Variants in JHY observed in about 807,000 individuals in gnomAD.
JHY encodes the protein junctional cadherin complex regulator.
A neutral mutation model predicts 78.0 loss-of-function variants in JHY; 69 were observed. That is an observed-to-expected ratio of 0.88 (90% CI 0.73 to 1.08). JHY has a LOEUF of 1.08. Among genes scored for constraint, JHY ranks in the 50% least tolerant of loss-of-function variants. The probability of loss-of-function intolerance (pLI) is 0.00; values close to 1 mark genes in which losing one functional copy is unlikely to be tolerated. For synonymous variants in JHY, 368 were observed against 342.6 expected (o/e 1.07, Z -0.82); for missense variants, 944 against 927.8 (o/e 1.02, Z -0.23).
rs143545682 is a variant in JHY, at chr11:122,962,113, T to C, written c.*2668T>C. On this transcript the variant is annotated 3_prime_UTR_variant, in exon 9 of 9. Coordinates refer to ENST00000227349, the MANE Select transcript of JHY (RefSeq NM_024806.4). ...ACAAATGTTAATAAATATTTTTTAG[T>C]TTTTAAATCTTTTTTAATATTGCAA... 6.6e-6 allele frequency among the ~76,000 whole-genome samples: 1 copy of C among 152,360 alleles called. No individual in the cohort carries two copies. The highest frequency in any genetic ancestry group is 1.9e-4 in the East Asian group (1 of 5,194).
At chr11:122,946,456 G>A (rs142205660) in intron 5 of JHY, 42 bp from the exon 6 acceptor site, 2 of 1,527,018 alleles carry the variant, frequency 1.3e-6, no homozygotes, top group African/African-American at 2.8e-5. Context: ...TTATGTATTT[G>A]GATTTTATTA....
At chr11:122,959,002 C>A in intron 8 of JHY, 2 of 985,012 alleles carry the variant, frequency 2.0e-6, no homozygotes, top group African/African-American at 3.5e-5. Context: ...ACAAAAGCAT[C>A]CAAAGGACAC....
intron 5 of JHY, among the ~76,000 whole-genome samples, chr11:122,936,059 T>C (rs1359714170): frequency 1.3e-5 from 2 of 152,232 alleles, no homozygotes; most frequent in Non-Finnish European, 2.9e-5. Flanking sequence ...ATTTATTCTT[T>C]ATATTTTCAG....
chr11:122,957,412 A>AGG lies in JHY; in HGVS notation c.2060_2061insGG (p.Tyr687Ter), dbSNP rs746037424. The AGG allele has an allele frequency of 8.5e-6, 13 of 1,535,990 alleles. No homozygotes were observed. Among genetic ancestry groups the AGG allele is most frequent in the Non-Finnish European group, 1.0e-5 (12 of 1,153,682 alleles). Reference sequence around the variant, plus strand: ...GAATATGCAAAACAAGTCAAGGAGTACAACATGAAGACACTATCCATTCTA... The same window carrying AGG: ...GAATATGCAAAACAAGTCAAGGAGTAGGCAACATGAAGACACTATCCATTCTA... ...QKEYAKQVKE[Y>*]NMKTLSILSK... Residue 687 changes from tyrosine (Y) to a stop codon, truncating the protein, a stop_gained and frameshift_variant, in exon 8 of 9, where the codon TAC becomes TAGGC. Transcript: ENST00000227349. LOFTEE classifies it high-confidence loss of function.
At position 122,941,092 on chromosome 11, in the gene JHY, C is replaced by T. The variant is rs376719920; in HGVS notation, c.1635-5406C>T. Among the ~76,000 whole-genome samples the T allele has an allele frequency of 2.6e-5, 4 of 152,172 alleles. No individual in the cohort carries two copies. The East Asian group carries it at 5.8e-4, about 22-fold the overall frequency. ...GTTCTAGGTTTACCTTTGGACTTCC[C>T]CTGAACTCATGTGGAAGCATCAGTT... On this transcript the variant is annotated intron_variant, in intron 5 of 8. Transcript: ENST00000227349.
intron 6 of JHY, among the ~76,000 whole-genome samples, chr11:122,955,244 C>T (rs1864164746): frequency 6.6e-6 from 1 of 152,126 alleles, no homozygotes; most frequent in African/African-American, 2.4e-5. Context: ...CCTCAGCCCC[C>T]CGAGTAGCTG....
intron 3 of JHY, among the ~76,000 whole-genome samples, chr11:122,922,214 T>A (rs1255362958): frequency 6.6e-6 from 1 of 152,218 alleles, no homozygotes; most frequent in Non-Finnish European, 1.5e-5. Flanking sequence ...AAAGTTTTTA[T>A]TTTTTCCCAC....
intron 8 of JHY, 60 bp downstream of exon 8, chr11:122,957,551 T>TATC: frequency 6.9e-7 from 1 of 1,458,318 alleles, no homozygotes; most frequent in African/African-American, 1.7e-5. Context: ...AAACTTTTAT[T>TATC]ATCGCTTTTT....
intron 3 of JHY, among the ~76,000 whole-genome samples, chr11:122,916,288 T>C (rs1302303934): frequency 6.6e-6 from 1 of 152,188 alleles, no homozygotes; most frequent in African/African-American, 2.4e-5. Context: ...ATATCACATA[T>C]ACCCCATAAA....
At chr11:122,940,537 T>C (rs1480557647) in intron 5 of JHY, among the ~76,000 whole-genome samples, 1 of 152,204 alleles carries the variant, frequency 6.6e-6, no homozygotes, top group Admixed American at 6.5e-5. Flanking sequence ...CAGGCTATCA[T>C]ATTATTGGTG....
intron 3 of JHY, chr11:122,905,061 G>T: frequency 1.2e-6 from 1 of 867,348 alleles, no homozygotes. Flanking sequence ...AAACCCCATT[G>T]AAAATCACAT....
At chr11:122,941,541 A>G (rs1471043755) in intron 5 of JHY, among the ~76,000 whole-genome samples, 3 of 152,204 alleles carry the variant, frequency 2.0e-5, no homozygotes, top group Non-Finnish European at 2.9e-5. Context: ...TTTCTTTGCC[A>G]TTCTTTTTCC....
At chr11:122,923,502 A>C (rs1863420078) in intron 3 of JHY, among the ~76,000 whole-genome samples, 1 of 152,168 alleles carries the variant, frequency 6.6e-6, no homozygotes, top group African/African-American at 2.4e-5. Flanking sequence ...GCATAACTTT[A>C]AGTTTGCTTC....
At chr11:122,886,344 C>A (rs1862496802) in intron 2 of JHY, 151 bp downstream of exon 2, 2 of 731,232 alleles carry the variant, frequency 2.7e-6, no homozygotes, top group Non-Finnish European at 4.4e-6. Flanking sequence ...TAGCTGGGCA[C>A]CATGTTTTTT....
chr11:122,942,091 C>T (rs1429741254), intron 5 of JHY, among the ~76,000 whole-genome samples: 1 of 151,848 alleles, frequency 6.6e-6, no homozygotes, highest in Non-Finnish European at 1.5e-5. Flanking sequence ...AGGCTGGTCT[C>T]GAACTCCTGA....
Position 122,934,612 on chromosome 11 carries a change from C to G in JHY, c.1171C>G (p.Gln391Glu). 6.2e-7 allele frequency: 1 copy of G among 1,614,070 alleles called. No homozygotes were observed. The highest frequency in any genetic ancestry group is 8.5e-7 in the Non-Finnish European group (1 of 1,179,996). Residue 391 changes from glutamine (Q) to glutamate (E), a missense_variant, in exon 5 of 9, where the codon CAG becomes GAG. Transcript: ENST00000227349. ...AGAGGTGACTGCCAGTCAGGGGAAC[C>G]AGAATAACCCTCCCAGGCAGCAACA... ...TEEVTASQGN[Q>E]NNPPRQQQNQ...
At chr11:122,954,611 A>C (rs1864154231) in intron 6 of JHY, among the ~76,000 whole-genome samples, 1 of 152,194 alleles carries the variant, frequency 6.6e-6, no homozygotes. Context: ...TGTATATCTT[A>C]GGACTTAGTA....
At chr11:122,896,054 A>C (rs536651996) in intron 2 of JHY, among the ~76,000 whole-genome samples, 24 of 152,196 alleles carry the variant, frequency 1.6e-4, no homozygotes, top group African/African-American at 4.8e-4. Flanking sequence ...TAAAACTCTT[A>C]TAAGAGCCAC....
Position 122,904,236 on chromosome 11 carries a change from A to C in JHY, c.656A>C (p.Glu219Ala), listed in dbSNP as rs1438011491. Residue 219 changes from glutamate (E) to alanine (A), a missense_variant, in exon 3 of 9, where the codon GAG becomes GCG. By Grantham distance (107) the Glu-to-Ala change is moderately radical. Transcript: ENST00000227349. ...TCAGAGCTGAGCGACAGTGACCTGG[A>C]GGAGAAGTCGAGCAGCCTTTCTCCG... is the stretch of plus-strand genomic sequence containing the variant. Reference protein sequence around the residue: ...PFSELSDSDLEEKSSSLSPYV... With the variant: ...PFSELSDSDLAEKSSSLSPYV... 6.2e-7 allele frequency: 1 copy of C among 1,612,890 alleles called. No homozygotes were observed. The highest frequency in any genetic ancestry group is 8.5e-7 in the Non-Finnish European group (1 of 1,179,426).
Sources: gnomAD v4.1 joint callset for allele counts (sites outside exome capture counted in the v4.1 genomes callset) on GRCh38, gnomAD v4.1.1 for gene constraint, MANE v1.5 for transcripts, NCBI Gene and HGNC (gene_info 2026-07-23, HGNC 2026-07-21) for gene names.